PXDNL: variants seen among roughly 807,000 people sequenced by gnomAD.
PXDNL encodes the protein peroxidasin like, also known as probable oxidoreductase PXDNL.
A neutral mutation model predicts 150.8 loss-of-function variants in PXDNL; 145 were observed. The observed-to-expected ratio is 0.96, with a 90% CI of 0.84 to 1.10. PXDNL has a LOEUF of 1.10. Ranked by LOEUF, PXDNL falls within the 50% of genes least tolerant of loss-of-function variation. The probability of loss-of-function intolerance (pLI) is 0.00; values close to 1 mark genes in which losing one functional copy is unlikely to be tolerated. For missense variants in PXDNL, 2,087 were observed against 1,873.9 expected, an observed-to-expected ratio of 1.11 and a Z score of -2.10; for synonymous variants, 757 against 725.7, an observed-to-expected ratio of 1.04 and a Z score of -0.69.
chr8:51,759,682 A>C (rs895604759), intron 1 of PXDNL, among the ~76,000 whole-genome samples: 4 of 152,260 alleles, frequency 2.6e-5, no homozygotes, highest in African/African-American at 9.6e-5. Context: ...GAAACTAAAT[A>C]GCAATAAGCA....
chr8:51,365,688 T>A (rs1291846215), intron 19 of PXDNL, among the ~76,000 whole-genome samples: 1 of 152,218 alleles, frequency 6.6e-6, no homozygotes, highest in Non-Finnish European at 1.5e-5. Flanking sequence ...CATGAGAACA[T>A]CGTAGCCTGT....
At position 51,689,626 on chromosome 8, in the gene PXDNL, C is replaced by T. The variant is rs73678959; in HGVS notation, c.165-34866G>A. Among the ~76,000 whole-genome samples, 1,422 of 151,974 alleles carry T rather than the reference C, an allele frequency of 9.4e-3. 11 individuals are homozygous for T. The highest frequency in any genetic ancestry group is 0.014 in the Non-Finnish European group (954 of 67,986). On this transcript the variant is annotated intron_variant, in intron 1 of 22. Coordinates refer to ENST00000356297, the MANE Select transcript of PXDNL (RefSeq NM_144651.5). ...GCTCCCTTAATTTCCCACCCCAGTG[C>T]GCCCTATGCTGAAGGAAGAGAAGAC... is the stretch of plus-strand genomic sequence containing the variant.
chr8:51,494,660 A>T (rs1465705826), intron 5 of PXDNL, among the ~76,000 whole-genome samples: 1 of 152,166 alleles, frequency 6.6e-6, no homozygotes, highest in African/African-American at 2.4e-5. Context: ...CTTTAAACCA[A>T]CAAAGATCAA....
chr8:51,749,571 C>G (rs1406150156), intron 1 of PXDNL, among the ~76,000 whole-genome samples: 1 of 152,166 alleles, frequency 6.6e-6, no homozygotes, highest in Non-Finnish European at 1.5e-5. Context: ...TTGAATGGAG[C>G]TTGCAGGATA....
At chr8:51,338,533 G>A (rs1805898937) in intron 21 of PXDNL, among the ~76,000 whole-genome samples, 1 of 152,252 alleles carries the variant, frequency 6.6e-6, no homozygotes, top group South Asian at 2.1e-4. Flanking sequence ...AGTGAGGGCA[G>A]AACTTCCTGA....
At chr8:51,411,714 G>A (rs1207681674) in intron 15 of PXDNL, among the ~76,000 whole-genome samples, 2 of 152,126 alleles carry the variant, frequency 1.3e-5, no homozygotes, top group Non-Finnish European at 2.9e-5. Flanking sequence ...GTTGATGAAT[G>A]GATTATAGGA....
intron 18 of PXDNL, 44 bp from the exon 19 acceptor site, chr8:51,372,125 C>G: frequency 6.9e-7 from 1 of 1,452,554 alleles, no homozygotes; most frequent in Non-Finnish European, 9.4e-7. Flanking sequence ...GGTCTGTGGC[C>G]TGAGAACTCA....
At chr8:51,567,066 A>G (rs1389466236) in intron 3 of PXDNL, among the ~76,000 whole-genome samples, 8 of 151,766 alleles carry the variant, frequency 5.3e-5, no homozygotes, top group African/African-American at 1.9e-4. Context: ...TGTTTAATCT[A>G]TAAATATTTT....
chr8:51,405,317 G>T (rs1808408525), intron 17 of PXDNL, among the ~76,000 whole-genome samples: 1 of 152,180 alleles, frequency 6.6e-6, no homozygotes, highest in African/African-American at 2.4e-5. Context: ...TTGCTGCGAG[G>T]GCTGCCAGCA....
At chr8:51,553,509 A>ATGC (rs1812535164) in intron 4 of PXDNL, among the ~76,000 whole-genome samples, 2 of 152,118 alleles carry the variant, frequency 1.3e-5, no homozygotes, top group Non-Finnish European at 2.9e-5. Context: ...TGTATAAAAT[A>ATGC]TGCTTTTTAA....
chr8:51,335,351 AG>A, intron 21 of PXDNL, among the ~76,000 whole-genome samples: 1 of 152,214 alleles, frequency 6.6e-6, no homozygotes, highest in South Asian at 2.1e-4. Flanking sequence ...CACTGATATA[AG>A]ATTTGGAAGG....
intron 1 of PXDNL, among the ~76,000 whole-genome samples, chr8:51,708,848 A>C (rs1455575280): frequency 1.2e-5 from 1 of 80,966 alleles, no homozygotes; most frequent in Non-Finnish European, 3.2e-5. Flanking sequence ...GTAGGCACTG[A>C]AATTCGGAGA....
intron 18 of PXDNL, among the ~76,000 whole-genome samples, chr8:51,373,447 G>C (rs1807191358): frequency 6.6e-6 from 1 of 151,950 alleles, no homozygotes; most frequent in Non-Finnish European, 1.5e-5. Flanking sequence ...CCAAACTGAA[G>C]GTTTTTCAAT....
At chr8:51,675,452 G>A (rs1815592604) in intron 1 of PXDNL, among the ~76,000 whole-genome samples, 1 of 152,044 alleles carries the variant, frequency 6.6e-6, no homozygotes, top group African/African-American at 2.4e-5. Flanking sequence ...CCAGCCCTTT[G>A]ATCTCAGACT....
intron 21 of PXDNL, among the ~76,000 whole-genome samples, chr8:51,323,844 A>C (rs1159420661): frequency 1.3e-5 from 2 of 151,894 alleles, no homozygotes; most frequent in African/African-American, 4.8e-5. Flanking sequence ...TGAACCCAAG[A>C]GGTAGAAGTT....
chr8:51,344,183 G>A (rs866308635), intron 20 of PXDNL, among the ~76,000 whole-genome samples: 2 of 151,844 alleles, frequency 1.3e-5, no homozygotes, highest in South Asian at 4.1e-4. Context: ...TAATTCATGG[G>A]AACCTCAAAC....
intron 1 of PXDNL, among the ~76,000 whole-genome samples, chr8:51,659,729 G>T (rs1815227588): frequency 1.3e-5 from 2 of 152,036 alleles, no homozygotes; most frequent in Admixed American, 6.6e-5. Flanking sequence ...TGATAGAAAA[G>T]CCCAGGCCTT....
intron 4 of PXDNL, among the ~76,000 whole-genome samples, chr8:51,503,361 C>A (rs534020803): frequency 6.6e-6 from 1 of 151,746 alleles, no homozygotes; most frequent in Non-Finnish European, 1.5e-5. Flanking sequence ...AGTTTTGTGT[C>A]CATATGATTT....
At chr8:51,564,637 A>G (rs1812779326) in intron 3 of PXDNL, among the ~76,000 whole-genome samples, 1 of 151,550 alleles carries the variant, frequency 6.6e-6, no homozygotes, top group Non-Finnish European at 1.5e-5. Flanking sequence ...AGAAAATGAC[A>G]GAGACACAAC....
Sources: allele counts gnomAD v4.1 joint callset (sites outside exome capture counted in the v4.1 genomes callset), GRCh38; gene constraint gnomAD v4.1.1; transcripts MANE v1.5; gene names NCBI Gene and HGNC (gene_info 2026-07-23, HGNC 2026-07-21).